The following PHIP variants were observed in gnomAD, a reference collection of about 807,000 sequenced individuals.
The protein encoded by PHIP is PH-interacting protein.
Under a neutral mutation model 236.8 loss-of-function variants are expected in PHIP, and 54 were observed. That is an observed-to-expected ratio of 0.23 (90% CI 0.18 to 0.29). PHIP has a LOEUF of 0.29. Among genes scored for constraint, PHIP ranks in the 10% least tolerant of loss-of-function variants. The pLI, the probability that PHIP is intolerant of heterozygous loss-of-function variation, is 1.00. For synonymous variants in PHIP, 756 were observed against 718.9 expected, an observed-to-expected ratio of 1.05 and a Z score of -0.83; for missense variants, 1,370 against 2,190.8, an observed-to-expected ratio of 0.63 and a Z score of 7.48.
At chr6:79,042,140 G>A (rs990036612) in intron 7 of PHIP, among the ~76,000 whole-genome samples, 2 of 151,924 alleles carry the variant, frequency 1.3e-5, no homozygotes, top group East Asian at 3.9e-4. Flanking sequence ...TAATAGTGTA[G>A]TATTATGCTT....
Position 78,946,155 on chromosome 6 carries a change from A to G in PHIP, c.4476T>C (p.Ala1492=). 6.2e-7 allele frequency: 1 copy of G among 1,614,100 alleles called. No individual in the cohort carries two copies. The highest frequency in any genetic ancestry group is 8.5e-7 in the Non-Finnish European group (1 of 1,179,980). ...TRSIPPRHNA[A]QINGKTESSS... is the part of the protein sequence containing the mutation. ...TAGATTCTGTTTTACCGTTTATCTGAGCAGCATTGTGTCTTGGCGGTATTG... is the reference window on the plus strand; with the variant it reads ...TAGATTCTGTTTTACCGTTTATCTGGGCAGCATTGTGTCTTGGCGGTATTG... Residue 1492 remains alanine, a synonymous_variant, in exon 38 of 40, where the codon GCT becomes GCC. Coordinates refer to ENST00000275034, the MANE Select transcript of PHIP (RefSeq NM_017934.7).
At chr6:79,061,185 C>T (rs1483637712) in intron 4 of PHIP, among the ~76,000 whole-genome samples, 8 of 152,084 alleles carry the variant, frequency 5.3e-5, no homozygotes, top group Non-Finnish European at 4.4e-5. Context: ...GAAACCATGA[C>T]ATGAAATGCT....
chr6:79,004,023 G>C (rs563805212), intron 15 of PHIP, among the ~76,000 whole-genome samples, 165 bp from the exon 16 acceptor site: 1 of 152,138 alleles, frequency 6.6e-6, no homozygotes, highest in African/African-American at 2.4e-5. Context: ...CATGAAAAGT[G>C]CCAGATTAAT....
chr6:78,957,017 G>A (rs1011077713), intron 32 of PHIP: 3 of 152,000 alleles, frequency 2.0e-5, no homozygotes, highest in Admixed American at 2.0e-4. Context: ...TTAATATCTT[G>A]AAGACTATCT....
At chr6:78,966,282 TTA>T (rs1161428978) in intron 27 of PHIP, among the ~76,000 whole-genome samples, 5 of 152,214 alleles carry the variant, frequency 3.3e-5, no homozygotes, top group African/African-American at 9.6e-5. Flanking sequence ...ATTCTATTTT[TTA>T]TATTTCATTA....
rs935530012 is a variant in PHIP, at chr6:79,000,123, G to GT, written c.1880-1733dup. 2.0e-4 allele frequency among the ~76,000 whole-genome samples: 30 copies of GT among 151,540 alleles called. 1 individual carries two copies. Among genetic ancestry groups the GT allele is most frequent in the African/African-American group, 7.0e-4 (29 of 41,354 alleles). ...CTGGATTTGCAAATAAAAAGCTAAG[G>GT]TTTTTTTTGAAAAGAATTTTGCTTT... On this transcript the variant is annotated intron_variant, in intron 17 of 39. Coordinates refer to ENST00000275034, the MANE Select transcript of PHIP (RefSeq NM_017934.7).
chr6:79,027,376 G>A (rs567221339), intron 7 of PHIP, among the ~76,000 whole-genome samples: 56 of 152,092 alleles, frequency 3.7e-4, no homozygotes, highest in Non-Finnish European at 7.5e-4. Flanking sequence ...CTTAACTTTG[G>A]TCAACTATCC....
chr6:79,025,897 T>C (rs199880268), intron 8 of PHIP, 46 bp downstream of exon 8: 1 of 1,334,270 alleles, frequency 7.5e-7, no homozygotes, highest in Non-Finnish European at 1.1e-6. Flanking sequence ...TACTTTACAT[T>C]ATAACAACAA....
chr6:78,967,256 T>C (rs1046836797), intron 27 of PHIP, among the ~76,000 whole-genome samples: 2 of 152,154 alleles, frequency 1.3e-5, no homozygotes, highest in East Asian at 1.9e-4. Flanking sequence ...CTGTTGACAG[T>C]TGTTCCTCAG....
In PHIP at chr6:79,003,775, T is replaced by C. The variant is rs1770139905; in HGVS notation, c.1608A>G (p.Gly536=). The C allele has an allele frequency of 1.2e-6, 2 of 1,610,362 alleles. No individual in the cohort carries two copies. Among genetic ancestry groups the C allele is most frequent in the Admixed American group, 1.7e-5 (1 of 59,602 alleles). ...GQHFACTDSH[G]HLLIFGFGSS... is the part of the protein sequence containing the mutation. The stretch of plus-strand genomic sequence containing the variant: ...ACCCAAAGCCAAAAATTAAAAGATG[T>C]CCATGAGAGTCTGTGCATGCAAAAT... Residue 536 remains glycine, a synonymous_variant, in exon 16 of 40, where the codon GGA becomes GGG. Coordinates refer to ENST00000275034, the MANE Select transcript of PHIP (RefSeq NM_017934.7).
chr6:78,970,713 T>C (rs1767476436), intron 25 of PHIP, 68 bp downstream of exon 25: 2 of 995,998 alleles, frequency 2.0e-6, no homozygotes, highest in Admixed American at 4.6e-5. Flanking sequence ...TAGTAACCTT[T>C]GATACAATTT....
intron 35 of PHIP, among the ~76,000 whole-genome samples, chr6:78,948,524 C>A (rs1295390189): frequency 6.6e-6 from 1 of 152,096 alleles, no homozygotes; most frequent in Non-Finnish European, 1.5e-5. Flanking sequence ...GAGACACAGT[C>A]TTGCTGCTGC....
intron 19 of PHIP, among the ~76,000 whole-genome samples, chr6:78,996,243 C>T (rs1006886121): frequency 8.5e-5 from 13 of 152,190 alleles, no homozygotes; most frequent in African/African-American, 2.4e-4. Context: ...CTTAAAGAAG[C>T]AAACCACATG....
intron 9 of PHIP, among the ~76,000 whole-genome samples, chr6:79,022,564 T>A (rs969620635): frequency 2.0e-5 from 3 of 152,170 alleles, no homozygotes; most frequent in African/African-American, 7.2e-5. Flanking sequence ...ATAACAAATG[T>A]GAAATGCTTA....
chr6:79,074,853 T>G (rs1420579191), intron 4 of PHIP, among the ~76,000 whole-genome samples: 2 of 152,150 alleles, frequency 1.3e-5, no homozygotes, highest in East Asian at 3.8e-4. Context: ...TCAGTGACTA[T>G]TTTTAAATTC....
intron 8 of PHIP, 130 bp from the exon 9 acceptor site, chr6:79,025,749 TATTTA>T: frequency 2.8e-6 from 2 of 718,042 alleles, no homozygotes; most frequent in Non-Finnish European, 4.8e-6. Flanking sequence ...AAGGTTATGT[TATTTA>T]AAGTCCATAT....
intron 14 of PHIP, 106 bp from the exon 15 acceptor site, chr6:79,015,322 G>A (rs1446018818): frequency 1.0e-6 from 1 of 967,832 alleles, no homozygotes; most frequent in Non-Finnish European, 1.5e-6. Context: ...GGAGTTTTAA[G>A]AAGTATTAAA....
chr6:79,015,064 G>C lies in PHIP; in HGVS notation c.1524+18C>G. The C allele has an allele frequency of 6.2e-7, 1 of 1,600,810 alleles. No homozygotes were observed. Among genetic ancestry groups the C allele is most frequent in the Non-Finnish European group, 8.6e-7 (1 of 1,169,192 alleles). On this transcript the variant is annotated intron_variant, in intron 15 of 39. Coordinates refer to ENST00000275034, the MANE Select transcript of PHIP (RefSeq NM_017934.7). ...CCCAAATCTTTAGTAGGTATAAAAT[G>C]AAGAGAATGATAATTACCATATTGA...
chr6:78,948,829 A>G (rs1462029324), intron 35 of PHIP, among the ~76,000 whole-genome samples: 1 of 152,042 alleles, frequency 6.6e-6, no homozygotes, highest in Non-Finnish European at 1.5e-5. Flanking sequence ...ATGCGACTAT[A>G]TTTTTTGAAG....
Sources: allele counts gnomAD v4.1 joint callset (sites outside exome capture counted in the v4.1 genomes callset), GRCh38; gene constraint gnomAD v4.1.1; transcripts MANE v1.5; gene names NCBI Gene and HGNC (gene_info 2026-07-23, HGNC 2026-07-21).